Variants in CSMD1 observed in about 807,000 individuals in gnomAD.
CSMD1 encodes CUB and Sushi multiple domains 1, also known as CUB and sushi domain-containing protein 1.
A neutral mutation model predicts 417.5 loss-of-function variants in CSMD1; 213 were observed. The ratio of observed to expected loss-of-function variants is 0.51; its 90% CI spans 0.46 to 0.57. The LOEUF (loss-of-function observed/expected upper bound fraction) is 0.57. Ranked by LOEUF, CSMD1 falls within the 20% of genes least tolerant of loss-of-function variation. The pLI is 0.00. For synonymous variants in CSMD1, 2,862 were observed against 1,736.8 expected, an observed-to-expected ratio of 1.65 and a Z score of -16.11; for missense variants, 6,923 against 4,529.7, an observed-to-expected ratio of 1.53 and a Z score of -15.17.
chr8:4,138,237 C>T (rs1274370223), intron 3 of CSMD1, among the ~76,000 whole-genome samples: 4 of 128,720 alleles, frequency 3.1e-5, no homozygotes, highest in African/African-American at 5.9e-5. Context: ...AGGTCTCTAA[C>T]TGATGGGTTT....
At chr8:3,511,340 T>C (rs1238526372) in intron 10 of CSMD1, among the ~76,000 whole-genome samples, 4 of 151,076 alleles carry the variant, frequency 2.6e-5, no homozygotes. Context: ...GTAACAAACC[T>C]GCACGTTCTG....
At chr8:4,392,687 G>A (rs185607089) in intron 3 of CSMD1, among the ~76,000 whole-genome samples, 31 of 151,590 alleles carry the variant, frequency 2.0e-4, no homozygotes, top group African/African-American at 6.8e-4. Flanking sequence ...GATGGACTGT[G>A]GGCTGGGCAC....
chr8:3,052,399 T>C, intron 50 of CSMD1, 63 bp downstream of exon 50: 2 of 1,368,208 alleles, frequency 1.5e-6, no homozygotes, highest in Admixed American at 2.4e-5. Context: ...CCCGGACTTC[T>C]CCCGAAAGCA....
intron 3 of CSMD1, among the ~76,000 whole-genome samples, chr8:4,369,650 A>G (rs768913277): frequency 2.0e-5 from 3 of 152,190 alleles, no homozygotes; most frequent in Non-Finnish European, 4.4e-5. Context: ...ACTACTTAAA[A>G]TAGTTGTCTT....
chr8:4,992,873 C>T (rs1351160348), intron 1 of CSMD1, among the ~76,000 whole-genome samples: 2 of 152,206 alleles, frequency 1.3e-5, no homozygotes, highest in African/African-American at 2.4e-5. Flanking sequence ...TGTTTGCGAT[C>T]CCCGAGATCT....
At chr8:4,240,006 C>T (rs1802295069) in intron 3 of CSMD1, among the ~76,000 whole-genome samples, 1 of 152,186 alleles carries the variant, frequency 6.6e-6, no homozygotes, top group African/African-American at 2.4e-5. Context: ...AAGGCGTGTT[C>T]TGTGTTTTCA....
At chr8:3,908,489 C>A (rs901445420) in intron 5 of CSMD1, among the ~76,000 whole-genome samples, 2 of 152,080 alleles carry the variant, frequency 1.3e-5, no homozygotes, top group Admixed American at 1.3e-4. Context: ...CATCCAGTAT[C>A]CCCTGGTAAA....
chr8:4,459,876 T>A (rs757680088), intron 2 of CSMD1, among the ~76,000 whole-genome samples: 6 of 152,122 alleles, frequency 3.9e-5, no homozygotes. Flanking sequence ...TCAAAATATA[T>A]AAAACAGAAC....
At chr8:4,897,689 T>A (rs552794902) in intron 1 of CSMD1, among the ~76,000 whole-genome samples, 1 of 152,284 alleles carries the variant, frequency 6.6e-6, no homozygotes, top group South Asian at 2.1e-4. Flanking sequence ...AACTTTTTTT[T>A]ACATATTACT....
intron 1 of CSMD1, among the ~76,000 whole-genome samples, chr8:4,673,065 G>GCACA (rs59729776): frequency 6.6e-6 from 1 of 151,310 alleles, no homozygotes; most frequent in Non-Finnish European, 1.5e-5. Flanking sequence ...TGCTGACATG[G>GCACA]CACACACACA....
chr8:4,410,019 G>T (rs982487650), intron 3 of CSMD1, among the ~76,000 whole-genome samples: 1 of 152,048 alleles, frequency 6.6e-6, no homozygotes, highest in East Asian at 1.9e-4. Context: ...TCACCATGTT[G>T]GCCAAGATGG....
intron 3 of CSMD1, among the ~76,000 whole-genome samples, chr8:4,395,176 T>C (rs1420959840): frequency 6.6e-6 from 1 of 152,140 alleles, no homozygotes; most frequent in Non-Finnish European, 1.5e-5. Flanking sequence ...GAACAACCCC[T>C]CCTCTTTTAG....
intron 3 of CSMD1, among the ~76,000 whole-genome samples, chr8:4,258,253 T>C (rs1191159677): frequency 7.1e-6 from 1 of 140,986 alleles, no homozygotes; most frequent in African/African-American, 2.7e-5. Flanking sequence ...CCCCTTCCTA[T>C]CTTAAAGGCC....
chr8:4,248,931 C>T (rs1481698287), intron 3 of CSMD1, among the ~76,000 whole-genome samples: 1 of 152,136 alleles, frequency 6.6e-6, no homozygotes, highest in African/African-American at 2.4e-5. Flanking sequence ...CTATTTAATG[C>T]ATGTAGATGC....
chr8:3,203,605 A>C (rs1585644398), intron 31 of CSMD1, among the ~76,000 whole-genome samples: 1 of 152,008 alleles, frequency 6.6e-6, no homozygotes, highest in Non-Finnish European at 1.5e-5. Context: ...TTCAGCTAAC[A>C]CTCCGTGGAT....
intron 10 of CSMD1, among the ~76,000 whole-genome samples, chr8:3,552,954 G>A (rs1409920522): frequency 6.6e-6 from 1 of 152,070 alleles, no homozygotes; most frequent in Non-Finnish European, 1.5e-5. Context: ...ACACAGAGAA[G>A]ATTTATATTT....
At position 3,386,509 on chromosome 8, in the gene CSMD1, T is replaced by A. The variant is rs768377277; in HGVS notation, c.2782+985A>T. ...TGGGTTCGTGCTTTGGTGACAAAGG[T>A]CAAAGATTTTGAGTGATCTGCAGTT... On this transcript the variant is annotated intron_variant, in intron 18 of 69. Transcript: ENST00000635120. 2.4e-4 allele frequency among the ~76,000 whole-genome samples: 36 copies of A among 152,200 alleles called. 1 individual carries two copies. Among genetic ancestry groups the A allele is most frequent in the Non-Finnish European group, 4.7e-4 (32 of 68,042 alleles).
At chr8:3,774,487 C>T (rs142696629) in intron 5 of CSMD1, among the ~76,000 whole-genome samples, 44 of 152,198 alleles carry the variant, frequency 2.9e-4, no homozygotes, top group Admixed American at 1.0e-3. Context: ...GACAGAGAGA[C>T]GGTTAAATAA....
chr8:2,986,227 A>G (rs1470364415), intron 54 of CSMD1, among the ~76,000 whole-genome samples: 1 of 152,216 alleles, frequency 6.6e-6, no homozygotes, highest in Non-Finnish European at 1.5e-5. Context: ...AGATTCCCTG[A>G]GGACTCACTG....
Sources: allele counts gnomAD v4.1 joint callset (sites outside exome capture counted in the v4.1 genomes callset), GRCh38; gene constraint gnomAD v4.1.1; transcripts MANE v1.5; gene names NCBI Gene and HGNC (gene_info 2026-07-23, HGNC 2026-07-21).